Variants in PAX2 observed in about 807,000 individuals in gnomAD.
The protein encoded by PAX2 is paired box 2.
Under a neutral mutation model 41.7 loss-of-function variants are expected in PAX2, and 9 were observed. The observed-to-expected ratio is 0.22, with a 90% CI of 0.13 to 0.38. PAX2 has a LOEUF of 0.38. Ranked by LOEUF, PAX2 falls within the 10% of genes least tolerant of loss-of-function variation. PAX2 has a pLI of 1.00. For synonymous variants in PAX2, 221 were observed against 212.7 expected (o/e 1.04, Z -0.34); for missense variants, 418 against 531.6 (o/e 0.79, Z 2.10).
At position 100,755,933 on chromosome 10, in the gene PAX2, A is replaced by C. The variant is rs76713931; in HGVS notation, c.410+5042A>C. 5.4e-3 allele frequency among the ~76,000 whole-genome samples: 818 copies of C among 152,282 alleles called. 7 individuals carry two copies. The highest frequency in any genetic ancestry group is 0.019 in the African/African-American group (775 of 41,546). Reference sequence around the variant, plus strand: ...TGTGGCAGGGGAGAGCAATAGCTTCATATGCATGTTGGTATTAGATGGGGA... The same window carrying C: ...TGTGGCAGGGGAGAGCAATAGCTTCCTATGCATGTTGGTATTAGATGGGGA... On this transcript the variant is annotated intron_variant, in intron 3 of 9. Transcript: ENST00000355243.
chr10:100,770,873 G>A (rs1846184240), intron 3 of PAX2, among the ~76,000 whole-genome samples: 1 of 152,188 alleles, frequency 6.6e-6, no homozygotes, highest in African/African-American at 2.4e-5. Context: ...AGAGAAATGT[G>A]GATCGATAGA....
At chr10:100,737,546 G>A in intron 1 of PAX2, among the ~76,000 whole-genome samples, 1 of 152,276 alleles carries the variant, frequency 6.6e-6, no homozygotes, top group East Asian at 1.9e-4. Context: ...AAAGGCGGGG[G>A]GGAGCTGCGG....
intron 3 of PAX2, among the ~76,000 whole-genome samples, chr10:100,753,803 A>G (rs913647303): frequency 2.0e-5 from 3 of 152,176 alleles, no homozygotes; most frequent in African/African-American, 7.2e-5. Flanking sequence ...TGGTTTTGGC[A>G]TTCTCTGATT....
In PAX2 at chr10:100,813,672, G is replaced by C. The variant is rs146918598; in HGVS notation, c.919+4436G>C. ...GGGGCAGAATGGAAGGTCACCATGAGACATGGAGACGCCAAGCCTGATGCC... is the reference window on the plus strand; with the variant it reads ...GGGGCAGAATGGAAGGTCACCATGACACATGGAGACGCCAAGCCTGATGCC... On this transcript the variant is annotated intron_variant, in intron 7 of 9. Coordinates refer to ENST00000355243, the MANE Select transcript of PAX2 (RefSeq NM_000278.5). Among the ~76,000 whole-genome samples, 488 of 152,334 alleles carry C rather than the reference G, an allele frequency of 3.2e-3. 3 individuals are homozygous for C. Among genetic ancestry groups the C allele is most frequent in the African/African-American group, 0.011 (462 of 41,562 alleles).
chr10:100,801,264 C>T (rs1005345128), intron 5 of PAX2, among the ~76,000 whole-genome samples: 1 of 152,294 alleles, frequency 6.6e-6, no homozygotes, highest in Middle Eastern at 3.4e-3. Flanking sequence ...GATTAAAATC[C>T]CTACCTACCT....
chr10:100,743,073 C>G (rs1197008414), upstream of PAX2, among the ~76,000 whole-genome samples: 1 of 151,744 alleles, frequency 6.6e-6, no homozygotes, highest in Non-Finnish European at 1.5e-5. Context: ...TCTCTAGACC[C>G]AGGAATGGGC....
At position 100,750,567 on chromosome 10, in the gene PAX2, TG is replaced by T; in HGVS notation, c.213-124del. 1 of 802,980 alleles carries T rather than the reference TG, an allele frequency of 1.2e-6. No individual in the cohort carries two copies. The highest frequency in any genetic ancestry group is 1.7e-5 in the African/African-American group (1 of 58,896). 49.7% of individuals were successfully genotyped at this position (802,980 alleles called of 1,614,324 possible). ...CCTCAGGAAGTCAGCTCAGCCACAC[TG>T]GGCCTTTTCCCTCCACTCCGCTGCC... On this transcript the variant is annotated intron_variant, in intron 2 of 9. Coordinates refer to ENST00000355243, the MANE Select transcript of PAX2 (RefSeq NM_000278.5). The surrounding 1 kb of genome is among the most constrained non-coding windows in gnomAD (Gnocchi z 4.1).
At chr10:100,816,749 T>C (rs962113143) in intron 7 of PAX2, among the ~76,000 whole-genome samples, 2 of 152,168 alleles carry the variant, frequency 1.3e-5, no homozygotes, top group Non-Finnish European at 2.9e-5. Flanking sequence ...TCCGCCACTA[T>C]TGTCACTTCT....
In PAX2 at chr10:100,827,643, T is replaced by A. The variant is rs764204286; in HGVS notation, c.*24T>A. ...AGTTACCGCGGGGACCACATCAAGC[T>A]TCAGGCCGACAGCTTCGGCCTCCAC... On this transcript the variant is annotated 3_prime_UTR_variant, in exon 10 of 10. Coordinates refer to ENST00000355243, the MANE Select transcript of PAX2 (RefSeq NM_000278.5). This position sits in a 1 kb window ranked among gnomAD's most constrained non-coding sequence, Gnocchi z 8.5. 5 of 1,613,720 alleles carry A rather than the reference T, an allele frequency of 3.1e-6. No individual in the cohort carries two copies. Among genetic ancestry groups the A allele is most frequent in the Non-Finnish European group, 4.2e-6 (5 of 1,179,914 alleles).
At chr10:100,797,293 G>T (rs1435364772) in intron 5 of PAX2, among the ~76,000 whole-genome samples, 1 of 152,228 alleles carries the variant, frequency 6.6e-6, no homozygotes, top group East Asian at 1.9e-4. Context: ...ATCATAAGTT[G>T]TTCTGGGTAA....
Position 100,748,576 on chromosome 10 carries a change from C to T in PAX2, c.44-1170C>T. The stretch of plus-strand genomic sequence containing the variant: ...TAGAAGTCTCTGCGCTTGGATTGCT[C>T]AGTACCTGCGGCTACGGGTTGATCG... On this transcript the variant is annotated intron_variant, in intron 1 of 9. Coordinates refer to ENST00000355243, the MANE Select transcript of PAX2 (RefSeq NM_000278.5). The surrounding 1 kb of genome is among the most constrained non-coding windows in gnomAD (Gnocchi z 5.0). The T allele has an allele frequency of 1.0e-6, 1 of 985,460 alleles. No individual in the cohort carries two copies. Among genetic ancestry groups the T allele is most frequent in the Non-Finnish European group, 1.2e-6 (1 of 829,946 alleles). The allele number at this position is 985,460 out of a possible 1,614,324, so 61.0% of individuals were successfully genotyped here. A position where few individuals can be genotyped will look rare whatever the true frequency, so the allele number is the denominator to read the frequency against.
intron 5 of PAX2, 66 bp from the exon 6 acceptor site, chr10:100,806,364 C>T (rs1386680315): frequency 1.3e-6 from 2 of 1,537,954 alleles, no homozygotes; most frequent in Non-Finnish European, 1.8e-6. Context: ...CACCTCTTTG[C>T]CCTGCACTGT....
chr10:100,762,965 G>A (rs919194257), intron 3 of PAX2, among the ~76,000 whole-genome samples: 3 of 152,184 alleles, frequency 2.0e-5, no homozygotes, highest in Admixed American at 6.5e-5. Flanking sequence ...GGTACAGTTC[G>A]GTAGGCAGTC....
intron 5 of PAX2, among the ~76,000 whole-genome samples, chr10:100,789,038 A>T (rs1393001265): frequency 6.6e-6 from 1 of 152,122 alleles, no homozygotes; most frequent in Non-Finnish European, 1.5e-5. Flanking sequence ...CTCTCCTCCC[A>T]GACCCTGGTT....
At chr10:100,790,156 A>T (rs978685547) in intron 5 of PAX2, among the ~76,000 whole-genome samples, 1 of 152,214 alleles carries the variant, frequency 6.6e-6, no homozygotes, top group African/African-American at 2.4e-5. Flanking sequence ...GGGATTTAGC[A>T]CAAAAGAGTA....
At chr10:100,818,279 A>G (rs1848255631) in intron 7 of PAX2, among the ~76,000 whole-genome samples, 1 of 152,222 alleles carries the variant, frequency 6.6e-6, no homozygotes, top group South Asian at 2.1e-4. Context: ...AATAAGTCTC[A>G]TCTGAGCCAT....
chr10:100,787,706 A>C (rs559941605), intron 5 of PAX2, among the ~76,000 whole-genome samples: 1 of 152,086 alleles, frequency 6.6e-6, no homozygotes, highest in African/African-American at 2.4e-5. Context: ...GGGTTGCAGC[A>C]TCGTCAATTC....
Position 100,824,658 on chromosome 10 carries a change from G to A in PAX2, c.930G>A (p.Met310Ile). 1 of 1,608,516 alleles carries A rather than the reference G, an allele frequency of 6.2e-7. No individual in the cohort carries two copies. The highest frequency in any genetic ancestry group is 2.2e-5 in the East Asian group (1 of 44,850). ...TTTGTGTTTTTCCAGGTCGTGACAT[G>A]GCGAGCACCACTCTGCCTGGTTACC... is the stretch of plus-strand genomic sequence containing the variant. Reference protein sequence around the residue: ...QTYPVVTGRDMASTTLPGYPP... With the variant: ...QTYPVVTGRDIASTTLPGYPP... Residue 310 changes from methionine (M) to isoleucine (I), a missense_variant, in exon 8 of 10, where the codon ATG (methionine) becomes ATA (isoleucine). Coordinates refer to ENST00000355243, the MANE Select transcript of PAX2 (RefSeq NM_000278.5). The surrounding 1 kb of genome is among the most constrained non-coding windows in gnomAD (Gnocchi z 6.6).
At chr10:100,747,744 A>G in intron 1 of PAX2, 1 of 984,954 alleles carries the variant, frequency 1.0e-6, no homozygotes, top group Non-Finnish European at 1.2e-6. Context: ...AGCCGCGCCG[A>G]GGGCATCAGG....
Sources: gnomAD v4.1 joint callset for allele counts (sites outside exome capture counted in the v4.1 genomes callset) on GRCh38, gnomAD v4.1.1 for gene constraint, Gnocchi (gnomAD v3.1) non-coding constraint, MANE v1.5 for transcripts, NCBI Gene and HGNC (gene_info 2026-07-23, HGNC 2026-07-21) for gene names.